The following MAPKAPK2 variants were observed in gnomAD, a reference collection of about 807,000 sequenced individuals.
MAPKAPK2 encodes the protein MAP kinase-activated protein kinase 2.
A neutral mutation model predicts 48.8 loss-of-function variants in MAPKAPK2; 9 were observed. That is an observed-to-expected ratio of 0.18 (90% CI 0.11 to 0.32). MAPKAPK2 has a LOEUF of 0.32. MAPKAPK2 is among the 10% of genes least tolerant of loss of function. The probability of loss-of-function intolerance (pLI) is 1.00; values close to 1 mark genes in which losing one functional copy is unlikely to be tolerated. For synonymous variants in MAPKAPK2, 202 were observed against 190.6 expected, an observed-to-expected ratio of 1.06 and a Z score of -0.49; for missense variants, 331 against 498.3, an observed-to-expected ratio of 0.66 and a Z score of 3.20.
rs957928949 is a variant in MAPKAPK2, at chr1:206,710,362, G to T, written c.280-18348G>T. On this transcript the variant is annotated intron_variant, in intron 1 of 9. Coordinates refer to ENST00000367103, the MANE Select transcript of MAPKAPK2 (RefSeq NM_032960.4). ...ATCTGTTCACTTCACACGCAGACAG[G>T]AAAGTGTGTAGTTGTGTTGCCTCCC... is the stretch of plus-strand genomic sequence containing the variant. 2.0e-5 allele frequency among the ~76,000 whole-genome samples: 3 copies of T among 152,188 alleles called. 1 individual carries two copies. The South Asian group carries it at 6.2e-4, about 31-fold the overall frequency.
rs1360244564 is a variant in MAPKAPK2 at position 206,731,147 on chromosome 1, G to A, written c.777G>A (p.Gly259=). Residue 259 remains glycine, a synonymous_variant, in exon 7 of 10, where the codon GGG becomes GGA. Transcript: ENST00000367103. The surrounding 1 kb of genome is among the most constrained non-coding windows in gnomAD (Gnocchi z 5.9). ...LGVIMYILLC[G]YPPFYSNHGL... Reference sequence around the variant, plus strand: ...CCTCCTGTTGATGCAGGCTGTGTGGGTATCCCCCCTTCTACTCCAACCACG... The same window carrying A: ...CCTCCTGTTGATGCAGGCTGTGTGGATATCCCCCCTTCTACTCCAACCACG... The A allele has an allele frequency of 6.2e-7, 1 of 1,614,174 alleles. No individual in the cohort carries two copies. Among genetic ancestry groups the A allele is most frequent in the Non-Finnish European group, 8.5e-7 (1 of 1,180,044 alleles).
chr1:206,725,591 C>G (rs563591232), intron 1 of MAPKAPK2, among the ~76,000 whole-genome samples: 77 of 152,294 alleles, frequency 5.1e-4, no homozygotes, highest in African/African-American at 1.5e-3. Context: ...GCATGTGGCA[C>G]AGGCTCTGAA....
intron 4 of MAPKAPK2, 34 bp downstream of exon 4, chr1:206,729,509 T>C: frequency 1.9e-6 from 3 of 1,589,782 alleles, no homozygotes; most frequent in Non-Finnish European, 2.6e-6. Flanking sequence ...GCCCGAGTGC[T>C]GTGGGGGGCA....
chr1:206,689,241 C>CCT (rs1672379231), intron 1 of MAPKAPK2, among the ~76,000 whole-genome samples: 1 of 152,174 alleles, frequency 6.6e-6, no homozygotes, highest in African/African-American at 2.4e-5. Flanking sequence ...CTCCAGCATT[C>CCT]CTCTCTCCCT....
At chr1:206,696,202 T>A in intron 1 of MAPKAPK2, 1 of 1,497,962 alleles carries the variant, frequency 6.7e-7, no homozygotes, top group Non-Finnish European at 9.3e-7. Flanking sequence ...ATTCTCTCCT[T>A]CAGCCACCTG....
rs1674010638 is a variant in MAPKAPK2, at chr1:206,733,600, C to T, written c.*882C>T. The T allele has an allele frequency of 1.3e-5, 2 of 152,560 alleles. No individual in the cohort carries two copies. Among genetic ancestry groups the T allele is most frequent in the South Asian group, 4.1e-4 (2 of 4,822 alleles). 9.5% of individuals were successfully genotyped at this position (152,560 alleles called of 1,614,324 possible). On this transcript the variant is annotated 3_prime_UTR_variant, in exon 10 of 10. Transcript: ENST00000367103. ...ACCCCCAGCCCCCAGGGCCCCCCTCCCCCCACTTAGTGCTGGTCCTAGGTC... is the reference window on the plus strand; with the variant it reads ...ACCCCCAGCCCCCAGGGCCCCCCTCTCCCCACTTAGTGCTGGTCCTAGGTC...
At position 206,730,674 on chromosome 1, in the gene MAPKAPK2, C is replaced by T. The variant is rs1553432506; in HGVS notation, c.692-14C>T. The stretch of plus-strand genomic sequence containing the variant: ...CTGAGGGCCGGCCCACCCATGTTGA[C>T]CTTTGATTTGCAGCTCCAGAAGTGC... On this transcript the variant is annotated splice_polypyrimidine_tract_variant and intron_variant, in intron 5 of 9. Transcript: ENST00000367103. 2 of 1,613,156 alleles carry T rather than the reference C, an allele frequency of 1.2e-6. No homozygotes were observed.
At chr1:206,702,584 C>T (rs1196846018) in intron 1 of MAPKAPK2, among the ~76,000 whole-genome samples, 1 of 152,240 alleles carries the variant, frequency 6.6e-6, no homozygotes. Flanking sequence ...CATGTTAGCA[C>T]TTGTTAACAC....
At chr1:206,730,550 G>A in intron 5 of MAPKAPK2, 138 bp from the exon 6 acceptor site, 1 of 724,152 alleles carries the variant, frequency 1.4e-6, no homozygotes, top group Non-Finnish European at 2.5e-6. Flanking sequence ...CTGGGCTTTG[G>A]CTCTTCCTTC....
At position 206,732,636 on chromosome 1, in the gene MAPKAPK2, A is replaced by T. The variant is rs892611562; in HGVS notation, c.1121A>T (p.Lys374Met). Residue 374 changes from lysine (K) to methionine (M), a missense_variant, in exon 10 of 10, where the codon AAG becomes ATG. Physicochemically the swap from Lys to Met is moderately conservative, Grantham distance 95. Around this residue, in one of 4 missense-constraint regions of MAPKAPK2, gnomAD observed 124 missense variants for 194.6 expected, o/e 0.64. Transcript: ENST00000367103. The surrounding 1 kb of genome is among the most constrained non-coding windows in gnomAD (Gnocchi z 4.4). Reference sequence around the variant, plus strand: ...GACTACGAGCAGATCAAGATAAAAAAGATTGAAGATGCATCCAACCCTCTG... The same window carrying T: ...GACTACGAGCAGATCAAGATAAAAATGATTGAAGATGCATCCAACCCTCTG... Reference protein sequence around the residue: ...RVDYEQIKIKKIEDASNPLLL... With the variant: ...RVDYEQIKIKMIEDASNPLLL... 3 of 1,614,116 alleles carry T rather than the reference A, an allele frequency of 1.9e-6. No individual in the cohort carries two copies. The highest frequency in any genetic ancestry group is 2.5e-6 in the Non-Finnish European group (3 of 1,180,054).
intron 1 of MAPKAPK2, among the ~76,000 whole-genome samples, chr1:206,714,187 A>G (rs1158900915): frequency 6.6e-6 from 1 of 152,156 alleles, no homozygotes; most frequent in East Asian, 1.9e-4. Context: ...TGCAAATATT[A>G]TCTAAATGCT....
At chr1:206,729,211 C>A in intron 3 of MAPKAPK2, 112 bp downstream of exon 3, 3 of 1,242,062 alleles carry the variant, frequency 2.4e-6, no homozygotes, top group South Asian at 2.4e-5. Flanking sequence ...GCTGCCCCCT[C>A]CAGCATGCTG....
chr1:206,726,088 A>C (rs1285860418), intron 1 of MAPKAPK2, among the ~76,000 whole-genome samples: 1 of 152,190 alleles, frequency 6.6e-6, no homozygotes, highest in Admixed American at 6.5e-5. Context: ...GGTACATCCA[A>C]ATGAATGAAG....
At chr1:206,707,629 A>G (rs1553428798) in intron 1 of MAPKAPK2, among the ~76,000 whole-genome samples, 2 of 152,118 alleles carry the variant, frequency 1.3e-5, no homozygotes, top group East Asian at 3.9e-4. Context: ...TCTGCACCTT[A>G]GTTTCCGCCA....
chr1:206,717,078 C>T (rs371065305), intron 1 of MAPKAPK2, among the ~76,000 whole-genome samples: 31 of 152,264 alleles, frequency 2.0e-4, no homozygotes, highest in African/African-American at 7.0e-4. Flanking sequence ...TAGGAGGGGA[C>T]GAGAGAGGCC....
chr1:206,693,264 C>A (rs1391406421), intron 1 of MAPKAPK2, among the ~76,000 whole-genome samples: 1 of 152,178 alleles, frequency 6.6e-6, no homozygotes, highest in African/African-American at 2.4e-5. Context: ...GCTGCAGTCT[C>A]CCCTCACAGC....
chr1:206,712,445 G>A (rs1673186136), intron 1 of MAPKAPK2, among the ~76,000 whole-genome samples: 1 of 152,194 alleles, frequency 6.6e-6, no homozygotes, highest in Admixed American at 6.5e-5. Flanking sequence ...TTATAAAGAT[G>A]TGACTAGAGA....
At position 206,731,327 on chromosome 1, in the gene MAPKAPK2, T is replaced by C. The variant is rs1673904217; in HGVS notation, c.892+65T>C. 1.9e-6 allele frequency: 3 copies of C among 1,602,796 alleles called. No individual in the cohort carries two copies. The highest frequency in any genetic ancestry group is 1.7e-4 in the Middle Eastern group (1 of 5,984). On this transcript the variant is annotated intron_variant, in intron 7 of 9. Coordinates refer to ENST00000367103, the MANE Select transcript of MAPKAPK2 (RefSeq NM_032960.4). This position sits in a 1 kb window ranked among gnomAD's most constrained non-coding sequence, Gnocchi z 5.9. ...GTGTGTGTGTGTGTGTGTATGTGTG[T>C]ACACGCAGACACATGTATGGGCCTC...
chr1:206,716,979 G>A (rs1673356145), intron 1 of MAPKAPK2, among the ~76,000 whole-genome samples: 1 of 152,190 alleles, frequency 6.6e-6, no homozygotes, highest in Non-Finnish European at 1.5e-5. Context: ...TAATTGGTAA[G>A]TGTTTATTGT....
Sources: allele counts gnomAD v4.1 joint callset (sites outside exome capture counted in the v4.1 genomes callset), GRCh38; gene constraint gnomAD v4.1.1; regional missense constraint gnomAD v4.1.1; non-coding constraint Gnocchi (gnomAD v3.1); transcripts MANE v1.5; gene names NCBI Gene and HGNC (gene_info 2026-07-23, HGNC 2026-07-21).